The following SNAPC4 variants were observed in gnomAD, a reference collection of about 807,000 sequenced individuals.
SNAPC4 encodes snRNA-activating protein complex subunit 4.
SNAPC4 carries 127 observed loss-of-function variants against 151.3 expected under a neutral mutation model. The ratio of observed to expected loss-of-function variants is 0.84; its 90% CI spans 0.73 to 0.97. SNAPC4 has a LOEUF of 0.97. Among genes scored for constraint, SNAPC4 ranks in the 50% least tolerant of loss-of-function variants. The pLI, the probability that SNAPC4 is intolerant of heterozygous loss-of-function variation, is 0.00. For missense variants in SNAPC4, 2,186 were observed against 1,935.0 expected, an observed-to-expected ratio of 1.13 and a Z score of -2.43; for synonymous variants, 1,002 against 824.4, an observed-to-expected ratio of 1.22 and a Z score of -3.69.
At position 136,383,485 on chromosome 9, in the gene SNAPC4, G is replaced by C. The variant is rs774149324; in HGVS notation, c.1684C>G (p.Pro562Ala). The change falls in exon 16 of 24, where the codon CCA becomes GCA. Residue 562 changes from proline (P) to alanine (A), a missense_variant. By Grantham distance (27) the Pro-to-Ala change is conservative (BLOSUM62 -1). Transcript: ENST00000684778. The surrounding 1 kb of genome is among the most constrained non-coding windows in gnomAD (Gnocchi z 4.2). ...TCCATGTCCGGGACCATGTACTGTG[G>C]GGACAGCAGCGCTCTGTCACCCTCC... The part of the protein sequence containing the change: ...AGEGDRALLS[P>A]QYMVPDMDLW... The C allele has an allele frequency of 2.0e-5, 32 of 1,568,436 alleles. 1 individual carries two copies. The South Asian group carries it at 3.3e-4, about 16-fold the overall frequency.
At chr9:136,381,744 C>T (rs572381267) in intron 18 of SNAPC4, 80 bp downstream of exon 18, 2 of 1,514,996 alleles carry the variant, frequency 1.3e-6, no homozygotes, top group African/African-American at 2.7e-5. Context: ...CCCCAAGTAG[C>T]CACCGTCTGC....
intron 22 of SNAPC4, 25 bp from the exon 23 acceptor site, chr9:136,376,506 G>A: frequency 6.2e-7 from 1 of 1,611,688 alleles, no homozygotes; most frequent in Non-Finnish European, 8.5e-7. Flanking sequence ...AGGCAGTGGG[G>A]ACAAGAGTGA....
rs528905631 is a variant in SNAPC4 at position 136,381,867 on chromosome 9, G to A, written c.2274C>T (p.Pro758=). 1.6e-5 allele frequency: 26 copies of A among 1,612,762 alleles called. No homozygotes were observed. In the African/African-American group the frequency reaches 3.2e-4, roughly 20 times the overall value. Residue 758 remains proline (P), a synonymous_variant, in exon 18 of 24, where the codon CCC becomes CCT. Transcript: ENST00000684778. The part of the protein sequence containing the change: ...VTPWVGDVVV[P]CTQASQRPAV... ...CGGGTCTCTGGGAAGCCTGTGTGCAGGGCACGACAACGTCCCCTACCCAAG... is the reference window on the plus strand; with the variant it reads ...CGGGTCTCTGGGAAGCCTGTGTGCAAGGCACGACAACGTCCCCTACCCAAG...
chr9:136,394,464 C>G, intron 6 of SNAPC4, 134 bp from the exon 7 acceptor site: 1 of 766,014 alleles, frequency 1.3e-6, no homozygotes, highest in South Asian at 1.4e-5. Flanking sequence ...GACCTACTGA[C>G]GTGGCCCCTC....
Position 136,383,619 on chromosome 9 carries a change from C to A in SNAPC4, c.1550G>T (p.Arg517Leu). Residue 517 changes from arginine (R) to leucine (L), a missense_variant, in exon 16 of 24, where the codon CGG becomes CTG. By Grantham distance (102) the Arg-to-Leu change is moderately radical. Transcript: ENST00000684778. This position sits in a 1 kb window ranked among gnomAD's most constrained non-coding sequence, Gnocchi z 4.2. ...RRRRRARHSV[R>L]WSSTSSSGSS... ...GCCGCTGCTGCTGGTAGAGCTCCAC[C>A]GGACGCTGTGACGGGCCCTCCGCCG... 6.2e-7 allele frequency: 1 copy of A among 1,611,692 alleles called. No individual in the cohort carries two copies. The highest frequency in any genetic ancestry group is 8.5e-7 in the Non-Finnish European group (1 of 1,179,380).
chr9:136,382,137 C>A, intron 17 of SNAPC4, 64 bp from the exon 18 acceptor site: 1 of 1,565,558 alleles, frequency 6.4e-7, no homozygotes, highest in Admixed American at 1.8e-5. Flanking sequence ...GGACCCTGCC[C>A]AGTGGCCAGT....
At chr9:136,400,098 G>C (rs1485960930) in intron 1 of SNAPC4, 36 bp downstream of exon 1, 3 of 152,136 alleles carry the variant, frequency 2.0e-5, no homozygotes, top group Non-Finnish European at 2.9e-5. Flanking sequence ...AGCTGCCGAC[G>C]CCACCCGCGC....
chr9:136,395,482 G>A (rs948392525), intron 4 of SNAPC4, 59 bp from the exon 5 acceptor site: 43 of 1,589,108 alleles, frequency 2.7e-5, no homozygotes, highest in South Asian at 1.7e-4. Flanking sequence ...CTCTCCCTGC[G>A]GAGGAGACCC....
At chr9:136,397,480 G>A (rs1834313344) in intron 2 of SNAPC4, among the ~76,000 whole-genome samples, 1 of 149,764 alleles carries the variant, frequency 6.7e-6, no homozygotes. Flanking sequence ...TCTCCTGTCA[G>A]GGCAGCAGCT....
In SNAPC4 at chr9:136,381,861, T is replaced by C. The variant is rs750053069; in HGVS notation, c.2280A>G (p.Thr760=). 12 of 1,612,598 alleles carry C rather than the reference T, an allele frequency of 7.4e-6. No homozygotes were observed. The Middle Eastern group carries it at 4.9e-4, about 67-fold the overall frequency. Residue 760 remains threonine, a synonymous_variant, in exon 18 of 24, where the codon ACA becomes ACG. Coordinates refer to ENST00000684778, the MANE Select transcript of SNAPC4 (RefSeq NM_003086.4). ...PWVGDVVVPC[T]QASQRPAVVQ... ...CTACGGCGGGTCTCTGGGAAGCCTG[T>C]GTGCAGGGCACGACAACGTCCCCTA...
rs1453099901 is a variant in SNAPC4 at position 136,383,997 on chromosome 9, G to A, written c.1456C>T (p.Arg486Trp). 7 of 1,613,770 alleles carry A rather than the reference G, an allele frequency of 4.3e-6. No homozygotes were observed. The highest frequency in any genetic ancestry group is 2.2e-5 in the East Asian group (1 of 44,876). Residue 486 changes from arginine to tryptophan, a missense_variant, in exon 15 of 24, where the codon CGG becomes TGG. By Grantham distance (101) the Arg-to-Trp change is moderately radical. Coordinates refer to ENST00000684778, the MANE Select transcript of SNAPC4 (RefSeq NM_003086.4). The surrounding 1 kb of genome is among the most constrained non-coding windows in gnomAD (Gnocchi z 4.2). ...WAKIASELPH[R>W]SGSQCLSKWK... is the part of the protein sequence containing the mutation. ...TTGCTCAGACACTGGGAGCCAGACC[G>A]ATGGGGCAGCTCAGAAGCTATTTTT...
At position 136,381,404 on chromosome 9, in the gene SNAPC4, G is replaced by A; in HGVS notation, c.2318-12C>T. 6.2e-7 allele frequency: 1 copy of A among 1,610,708 alleles called. No homozygotes were observed. The highest frequency in any genetic ancestry group is 8.5e-7 in the Non-Finnish European group (1 of 1,178,070). On this transcript the variant is annotated splice_polypyrimidine_tract_variant and intron_variant, in intron 18 of 23. Transcript: ENST00000684778. ...CCTGAGGCCATCCGCTGCGGGCACA[G>A]GGGGATAAGTGGAAAGCAGCCCCAG...
chr9:136,382,267 G>A lies in SNAPC4; in HGVS notation c.2053C>T (p.Arg685Trp), dbSNP rs534837190. The change falls in exon 17 of 24, where the codon CGG becomes TGG. Residue 685 changes from arginine to tryptophan, a missense_variant. Arg to Trp is a moderately radical substitution (Grantham distance 101). Coordinates refer to ENST00000684778, the MANE Select transcript of SNAPC4 (RefSeq NM_003086.4). ...LRVLRANTAA[R>W]SCTQKEQLRQ... ...GCAGGCCTCACCTGTGTGCAGCTCC[G>A]AGCAGCCGTGTTGGCCCTGAGCACC... 2.0e-5 allele frequency: 33 copies of A among 1,612,802 alleles called. 2 individuals carry two copies. The Admixed American group carries it at 2.8e-4, about 14-fold the overall frequency.
intron 3 of SNAPC4, 104 bp downstream of exon 3, chr9:136,396,873 G>A (rs1834291988): frequency 1.2e-6 from 1 of 832,308 alleles, no homozygotes; most frequent in Non-Finnish European, 2.1e-6. Flanking sequence ...TTTTTATAAT[G>A]CAGAAAAACC....
intron 22 of SNAPC4, among the ~76,000 whole-genome samples, chr9:136,376,914 C>T (rs965223031): frequency 6.6e-6 from 1 of 152,220 alleles, no homozygotes; most frequent in Non-Finnish European, 1.5e-5. Flanking sequence ...GACAGGCCCA[C>T]AGGTCCAGCT....
intron 14 of SNAPC4, among the ~76,000 whole-genome samples, 195 bp from the exon 15 acceptor site, chr9:136,384,227 G>C (rs1283739250): frequency 6.6e-6 from 1 of 152,110 alleles, no homozygotes; most frequent in Non-Finnish European, 1.5e-5. Flanking sequence ...AGCCCCTTAG[G>C]AAAGTTCTGC....
In SNAPC4 at chr9:136,387,849, C is replaced by G; in HGVS notation, c.1124-1G>C. 1 of 1,553,866 alleles carries G rather than the reference C, an allele frequency of 6.4e-7. No individual in the cohort carries two copies. The highest frequency in any genetic ancestry group is 8.9e-7 in the Non-Finnish European group (1 of 1,125,378). The stretch of plus-strand genomic sequence containing the variant: ...TCTCTCCCTTCCATATAGTAGACAA[C>G]TAGGGACAGAGGAACAGGGAGGTCC... On this transcript the variant is annotated splice_acceptor_variant, in intron 11 of 23. Transcript: ENST00000684778. LOFTEE classifies it high-confidence loss of function.
chr9:136,387,412 A>C (rs2131488283), intron 13 of SNAPC4, 73 bp downstream of exon 13: 8 of 1,084,464 alleles, frequency 7.4e-6, no homozygotes, highest in Non-Finnish European at 1.1e-5. Flanking sequence ...CAGCCCGCCC[A>C]CAGCCCACAC....
intron 16 of SNAPC4, among the ~76,000 whole-genome samples, chr9:136,382,892 C>T (rs1833750252): frequency 1.3e-5 from 2 of 152,172 alleles, no homozygotes; most frequent in African/African-American, 4.8e-5. Context: ...GGGGCTCCTC[C>T]CACTGCTGCC....
Sources: allele counts gnomAD v4.1 joint callset (sites outside exome capture counted in the v4.1 genomes callset), GRCh38; gene constraint gnomAD v4.1.1; non-coding constraint Gnocchi (gnomAD v3.1); transcripts MANE v1.5; gene names NCBI Gene and HGNC (gene_info 2026-07-23, HGNC 2026-07-21).